KCNIP4: variants seen among roughly 807,000 people sequenced by gnomAD.
KCNIP4 encodes the protein potassium voltage-gated channel interacting protein 4, also known as Kv channel-interacting protein 4.
Under a neutral mutation model 34.0 loss-of-function variants are expected in KCNIP4, and 12 were observed. That is an observed-to-expected ratio of 0.35 (90% CI 0.23 to 0.57). The LOEUF is 0.57. Ranked by LOEUF, KCNIP4 falls within the 20% of genes least tolerant of loss-of-function variation. The pLI is 0.83. For synonymous variants in KCNIP4, 124 were observed against 102.2 expected (o/e 1.21, Z -1.29); for missense variants, 238 against 311.7 (o/e 0.76, Z 1.78).
At chr4:21,641,381 A>T (rs560981224) in intron 1 of KCNIP4, among the ~76,000 whole-genome samples, 16 of 152,324 alleles carry the variant, frequency 1.1e-4, no homozygotes, top group Admixed American at 2.0e-4. Flanking sequence ...TCTAGCACAT[A>T]CCTGAAGGAT....
intron 1 of KCNIP4, among the ~76,000 whole-genome samples, chr4:21,019,721 C>T (rs1454582335): frequency 6.6e-5 from 10 of 151,770 alleles, no homozygotes; most frequent in Non-Finnish European, 1.2e-4. Context: ...ATAAGGCAAT[C>T]GTCATTAAAA....
At chr4:21,119,356 C>A (rs1363858486) in intron 1 of KCNIP4, among the ~76,000 whole-genome samples, 1 of 150,998 alleles carries the variant, frequency 6.6e-6, no homozygotes, top group Non-Finnish European at 1.5e-5. Flanking sequence ...ACCCCTGTCC[C>A]TTTGCTGGTT....
intron 3 of KCNIP4, among the ~76,000 whole-genome samples, chr4:20,820,052 G>A (rs888750201): frequency 6.6e-6 from 1 of 152,196 alleles, no homozygotes; most frequent in Non-Finnish European, 1.5e-5. Context: ...ATGCAGAGAG[G>A]CTGGTAGATT....
intron 1 of KCNIP4, among the ~76,000 whole-genome samples, chr4:21,677,940 C>T (rs1167169014): frequency 4.6e-5 from 7 of 152,208 alleles, no homozygotes; most frequent in East Asian, 1.9e-4. Context: ...TTAGTAGAGA[C>T]GGGGTTTCGC....
chr4:21,285,375 T>C (rs556584265), intron 1 of KCNIP4, among the ~76,000 whole-genome samples: 28 of 152,152 alleles, frequency 1.8e-4, no homozygotes, highest in Non-Finnish European at 2.6e-4. Flanking sequence ...CACCATATGT[T>C]CCAAATGAGT....
At chr4:21,300,218 C>T (rs1439279362) in intron 1 of KCNIP4, among the ~76,000 whole-genome samples, 1 of 151,994 alleles carries the variant, frequency 6.6e-6, no homozygotes, top group Non-Finnish European at 1.5e-5. Context: ...AATTGCTTTG[C>T]CATTAAAATT....
intron 1 of KCNIP4, among the ~76,000 whole-genome samples, chr4:21,066,205 C>A (rs547632979): frequency 5.5e-4 from 83 of 152,218 alleles, no homozygotes; most frequent in African/African-American, 1.8e-3. Context: ...CTCCAAGGTT[C>A]TTTCTTGTGC....
intron 1 of KCNIP4, among the ~76,000 whole-genome samples, chr4:20,952,250 G>T (rs2149642376): frequency 6.6e-6 from 1 of 152,080 alleles, no homozygotes; most frequent in Non-Finnish European, 1.5e-5. Context: ...CAAAATGATG[G>T]TGACTCACAA....
chr4:21,239,072 A>ACG (rs1759595189), intron 1 of KCNIP4, among the ~76,000 whole-genome samples: 1 of 152,064 alleles, frequency 6.6e-6, no homozygotes, highest in Non-Finnish European at 1.5e-5. Context: ...ATAATGCTGC[A>ACG]TATCTACAAC....
chr4:21,476,026 T>A (rs1730929480), intron 1 of KCNIP4, among the ~76,000 whole-genome samples: 1 of 152,198 alleles, frequency 6.6e-6, no homozygotes, highest in East Asian at 1.9e-4. Flanking sequence ...GCTTTTCATA[T>A]GAAGACCCAG....
At chr4:20,915,357 A>T (rs1341030124) in intron 1 of KCNIP4, among the ~76,000 whole-genome samples, 1 of 152,214 alleles carries the variant, frequency 6.6e-6, no homozygotes, top group Non-Finnish European at 1.5e-5. Context: ...AGGGAGGATG[A>T]GTTCCAGCAA....
intron 1 of KCNIP4, among the ~76,000 whole-genome samples, chr4:21,206,196 T>C (rs1374315154): frequency 6.6e-6 from 1 of 152,228 alleles, no homozygotes; most frequent in African/African-American, 2.4e-5. Context: ...AAGTAAAGAA[T>C]GGAGACTCTT....
chr4:21,643,522 T>C (rs1746769494), intron 1 of KCNIP4, among the ~76,000 whole-genome samples: 1 of 152,194 alleles, frequency 6.6e-6, no homozygotes, highest in African/African-American at 2.4e-5. Context: ...CACGGTTAAA[T>C]GATGGTATCC....
intron 1 of KCNIP4, among the ~76,000 whole-genome samples, chr4:21,655,015 C>T (rs1049122960): frequency 1.1e-4 from 16 of 151,942 alleles, no homozygotes; most frequent in Admixed American, 1.1e-3. Flanking sequence ...CTTTCCTATA[C>T]TCTGCATACT....
intron 1 of KCNIP4, chr4:21,762,950 G>C (rs1214734985): frequency 9.3e-6 from 12 of 1,288,664 alleles, no homozygotes; most frequent in Non-Finnish European, 1.2e-5. Context: ...TCCCACTTCC[G>C]AAGTCTCCCT....
At chr4:21,593,913 C>T (rs1742420617) in intron 1 of KCNIP4, among the ~76,000 whole-genome samples, 1 of 152,062 alleles carries the variant, frequency 6.6e-6, no homozygotes, top group Non-Finnish European at 1.5e-5. Context: ...AGAATCTTTG[C>T]ATTTAGTGTG....
intron 1 of KCNIP4, among the ~76,000 whole-genome samples, chr4:20,963,035 G>A (rs575571021): frequency 2.4e-4 from 36 of 152,098 alleles, no homozygotes; most frequent in Non-Finnish European, 3.7e-4. Context: ...CATGATTTCC[G>A]AATAGGCCAG....
intron 1 of KCNIP4, among the ~76,000 whole-genome samples, chr4:20,945,415 G>A (rs1458287119): frequency 6.6e-6 from 1 of 152,070 alleles, no homozygotes; most frequent in Non-Finnish European, 1.5e-5. Flanking sequence ...AAATCTTCTG[G>A]GCCTTTGTTT....
intron 1 of KCNIP4, among the ~76,000 whole-genome samples, chr4:21,146,291 A>G (rs975043211): frequency 3.3e-5 from 5 of 152,054 alleles, no homozygotes; most frequent in Admixed American, 6.5e-5. Flanking sequence ...CCAGCTACTC[A>G]GGAGGCTGAG....
Sources: gnomAD v4.1 joint callset for allele counts (sites outside exome capture counted in the v4.1 genomes callset) on GRCh38, gnomAD v4.1.1 for gene constraint, MANE v1.5 for transcripts, NCBI Gene and HGNC (gene_info 2026-07-23, HGNC 2026-07-21) for gene names.